BATF3: variants seen among roughly 807,000 people sequenced by gnomAD.
BATF3 encodes the protein basic leucine zipper ATF-like transcription factor 3, also known as basic leucine zipper transcriptional factor ATF-like 3.
In BATF3, 8 loss-of-function variants were observed where a neutral mutation model predicts 16.1. The ratio of observed to expected loss-of-function variants is 0.50; its 90% CI spans 0.29 to 0.90. BATF3 has a LOEUF of 0.90. Among genes scored for constraint, BATF3 ranks in the 40% least tolerant of loss-of-function variants. BATF3 has a pLI of 0.08. For missense variants in BATF3, 139 were observed against 167.0 expected (o/e 0.83, Z 0.92); for synonymous variants, 74 against 72.7 (o/e 1.02, Z -0.09).
At position 212,686,953 on chromosome 1, in the gene BATF3, G is replaced by A. The variant is rs1038539135; in HGVS notation, c.222C>T (p.Asn74=). 1.9e-6 allele frequency: 3 copies of A among 1,607,690 alleles called. No individual in the cohort carries two copies. The highest frequency in any genetic ancestry group is 1.7e-5 in the Admixed American group (1 of 60,016). Residue 74 remains asparagine, a synonymous_variant, in exon 3 of 3, where the codon AAC becomes AAT. Coordinates refer to ENST00000243440, the MANE Select transcript of BATF3 (RefSeq NM_018664.3). ...HEEYESLEQE[N]TMLRREIGKL... is the part of the protein sequence containing the mutation. The stretch of plus-strand genomic sequence containing the variant: ...TCCCGATCTCTCTCCGCAGCATGGT[G>A]TTTTCTTGCTCCAGGCTCTCATATT...
At chr1:212,687,878 G>A (rs1443037606) in intron 2 of BATF3, among the ~76,000 whole-genome samples, 6 of 151,076 alleles carry the variant, frequency 4.0e-5, no homozygotes, top group Admixed American at 4.0e-4. Context: ...AATAAGCCAT[G>A]ATTACAGCAC....
intron 2 of BATF3, among the ~76,000 whole-genome samples, chr1:212,693,593 G>C (rs767903423): frequency 2.0e-5 from 3 of 152,158 alleles, no homozygotes; most frequent in Non-Finnish European, 2.9e-5. Flanking sequence ...TTTCTGAAAA[G>C]GGCAGCTGGC....
intron 2 of BATF3, among the ~76,000 whole-genome samples, chr1:212,696,423 G>GGGGTGT (rs1553247485): frequency 1.5e-4 from 22 of 148,504 alleles, no homozygotes; most frequent in Non-Finnish European, 2.2e-4. Context: ...GTTTCTGTAG[G>GGGGTGT]GTGTGTGTGT....
At chr1:212,690,373 C>T (rs568892416) in intron 2 of BATF3, among the ~76,000 whole-genome samples, 15 of 152,298 alleles carry the variant, frequency 9.8e-5, no homozygotes, top group Non-Finnish European at 1.6e-4. Flanking sequence ...CAGAGCCGCC[C>T]GACAGGTGCC....
At chr1:212,696,855 A>G (rs1657143984) in intron 2 of BATF3, 106 bp downstream of exon 2, 1 of 822,704 alleles carries the variant, frequency 1.2e-6, no homozygotes, top group East Asian at 2.4e-5. Flanking sequence ...GAAATTAGAT[A>G]TGAGTGTTGC....
chr1:212,692,972 T>G (rs1454872179), intron 2 of BATF3, among the ~76,000 whole-genome samples: 1 of 152,190 alleles, frequency 6.6e-6, no homozygotes, highest in Non-Finnish European at 1.5e-5. Context: ...TGAGCTGGCC[T>G]CACTCCAGAT....
chr1:212,696,039 G>T (rs1657117986), intron 2 of BATF3, among the ~76,000 whole-genome samples: 2 of 152,112 alleles, frequency 1.3e-5, no homozygotes, highest in Non-Finnish European at 2.9e-5. Context: ...AGACACTGAA[G>T]CTATGGGGTC....
intron 2 of BATF3, among the ~76,000 whole-genome samples, chr1:212,694,713 AACC>A (rs1657084946): frequency 1.3e-5 from 2 of 152,158 alleles, no homozygotes; most frequent in South Asian, 2.1e-4. Flanking sequence ...ATGACACTAG[AACC>A]ACAATTGCTT....
chr1:212,695,734 G>T (rs951821670), intron 2 of BATF3, among the ~76,000 whole-genome samples: 5 of 152,074 alleles, frequency 3.3e-5, no homozygotes, highest in African/African-American at 4.8e-5. Flanking sequence ...TGGAATGGTG[G>T]CCCATTCCTC....
rs955410096 is a variant in BATF3 at position 212,699,389 on chromosome 1, G to C, written c.90+284C>G. ...GTGCCGGGGAGCACCGGCCATGCCC[G>C]GCCCAGCCAGGCGTCGGCGCCCTCG... On this transcript the variant is annotated intron_variant, in intron 1 of 2. Coordinates refer to ENST00000243440, the MANE Select transcript of BATF3 (RefSeq NM_018664.3). This position sits in a 1 kb window ranked among gnomAD's most constrained non-coding sequence, Gnocchi z 4.4. Among the ~76,000 whole-genome samples, 1 of 151,964 alleles carries C rather than the reference G, an allele frequency of 6.6e-6. No homozygotes were observed. The highest frequency in any genetic ancestry group is 6.6e-5 in the Admixed American group (1 of 15,266).
At chr1:212,693,360 G>T (rs1657046680) in intron 2 of BATF3, among the ~76,000 whole-genome samples, 1 of 152,226 alleles carries the variant, frequency 6.6e-6, no homozygotes, top group Admixed American at 6.5e-5. Context: ...CGACACTTGT[G>T]TGGAGCTAGT....
chr1:212,695,409 G>A (rs940538863), intron 2 of BATF3, among the ~76,000 whole-genome samples: 4 of 141,262 alleles, frequency 2.8e-5, no homozygotes, highest in Admixed American at 2.3e-4. Context: ...CAGGAGAATC[G>A]CTAGAACCCA....
intron 2 of BATF3, among the ~76,000 whole-genome samples, chr1:212,687,246 T>C (rs571093756): frequency 1.2e-3 from 180 of 152,234 alleles, no homozygotes; most frequent in Non-Finnish European, 2.2e-3. Context: ...TATACACCTG[T>C]GTTGATCAAT....
intron 2 of BATF3, among the ~76,000 whole-genome samples, chr1:212,696,744 T>A (rs919045290): frequency 1.3e-5 from 2 of 152,176 alleles, no homozygotes; most frequent in South Asian, 4.1e-4. Context: ...TTTTGTTTTA[T>A]AATGAAATAA....
intron 2 of BATF3, among the ~76,000 whole-genome samples, chr1:212,694,387 C>T (rs957011408): frequency 6.6e-6 from 1 of 152,038 alleles, no homozygotes; most frequent in Admixed American, 6.5e-5. Flanking sequence ...CTAGGCTTCC[C>T]ACCGACAGGC....
At chr1:212,693,002 G>T (rs894264648) in intron 2 of BATF3, among the ~76,000 whole-genome samples, 1 of 152,170 alleles carries the variant, frequency 6.6e-6, no homozygotes, top group Non-Finnish European at 1.5e-5. Flanking sequence ...AGGTTCCTAT[G>T]CATGGTGTCC....
intron 2 of BATF3, among the ~76,000 whole-genome samples, chr1:212,690,639 A>G (rs140759051): frequency 2.6e-5 from 4 of 152,364 alleles, no homozygotes; most frequent in Non-Finnish European, 4.4e-5. Context: ...AAATTCCTGG[A>G]GTAAACGCAA....
At chr1:212,687,014 T>G (rs776152142) in intron 2 of BATF3, 35 bp from the exon 3 acceptor site, 1 of 1,383,064 alleles carries the variant, frequency 7.2e-7, no homozygotes, top group African/African-American at 1.4e-5. Context: ...TCATTTCTGG[T>G]GCAGCGTTCC....
intron 2 of BATF3, among the ~76,000 whole-genome samples, chr1:212,691,167 G>C (rs566183991): frequency 6.6e-6 from 1 of 152,232 alleles, no homozygotes; most frequent in Admixed American, 6.5e-5. Context: ...ATGCCTCTGA[G>C]GCTGAAGACA....
Sources: allele counts gnomAD v4.1 joint callset (sites outside exome capture counted in the v4.1 genomes callset), GRCh38; gene constraint gnomAD v4.1.1; non-coding constraint Gnocchi (gnomAD v3.1); transcripts MANE v1.5; gene names NCBI Gene and HGNC (gene_info 2026-07-23, HGNC 2026-07-21).